BMP6: variants seen among roughly 807,000 people sequenced by gnomAD.
The protein encoded by BMP6 is VG-1-R.
A neutral mutation model predicts 54.1 loss-of-function variants in BMP6; 17 were observed. That is an observed-to-expected ratio of 0.31 (90% CI 0.22 to 0.47). The LOEUF (loss-of-function observed/expected upper bound fraction) is 0.47, where lower values mean the gene tolerates loss of function less well. Among genes scored for constraint, BMP6 ranks in the 20% least tolerant of loss-of-function variants. BMP6 has a pLI of 1.00. For synonymous variants in BMP6, 328 were observed against 291.2 expected, an observed-to-expected ratio of 1.13 and a Z score of -1.28; for missense variants, 720 against 690.4, an observed-to-expected ratio of 1.04 and a Z score of -0.48.
At chr6:7,878,469 TA>T (rs1759656674) in intron 4 of BMP6, among the ~76,000 whole-genome samples, 2 of 152,074 alleles carry the variant, frequency 1.3e-5, no homozygotes, top group South Asian at 4.2e-4. Context: ...ACCCCTGGCT[TA>T]GTGTTATTGC....
intron 1 of BMP6, among the ~76,000 whole-genome samples, chr6:7,734,291 A>G (rs970738014): frequency 1.3e-5 from 2 of 152,242 alleles, no homozygotes; most frequent in Non-Finnish European, 2.9e-5. Flanking sequence ...TAGAGCTTGA[A>G]AAGTTCTCGC....
In BMP6 at chr6:7,830,091, T is replaced by C. The variant is rs190788855; in HGVS notation, c.665-15049T>C. Among the ~76,000 whole-genome samples, 263 of 152,292 alleles carry C rather than the reference T, an allele frequency of 1.7e-3. 3 individuals carry two copies. Among genetic ancestry groups the C allele is most frequent in the African/African-American group, 6.1e-3 (255 of 41,552 alleles). On this transcript the variant is annotated intron_variant, in intron 1 of 6. Coordinates refer to ENST00000283147, the MANE Select transcript of BMP6 (RefSeq NM_001718.6). Reference sequence around the variant, plus strand: ...ACTTTCAGAAAAGAGCCAATCACCATTTGACTAGGGCTCATCACTTTTCAA... The same window carrying C: ...ACTTTCAGAAAAGAGCCAATCACCACTTGACTAGGGCTCATCACTTTTCAA...
intron 1 of BMP6, among the ~76,000 whole-genome samples, chr6:7,732,304 A>G (rs987357365): frequency 2.0e-5 from 3 of 152,242 alleles, no homozygotes; most frequent in Non-Finnish European, 2.9e-5. Flanking sequence ...CAAAGAGTAA[A>G]TTTGAAATTC....
At chr6:7,767,070 T>C in intron 1 of BMP6, among the ~76,000 whole-genome samples, 1 of 151,372 alleles carries the variant, frequency 6.6e-6, no homozygotes. Context: ...CACTGCAAGC[T>C]CCACCTCCCG....
At chr6:7,825,723 A>AAAAAAAAAAACAAAAACC (rs1359310605) in intron 1 of BMP6, among the ~76,000 whole-genome samples, 1 of 145,146 alleles carries the variant, frequency 6.9e-6, no homozygotes, top group Non-Finnish European at 1.5e-5. Flanking sequence ...TCCATCTCGA[A>AAAAAAAAAAACAAAAACC]AAAAAAAAAA....
intron 1 of BMP6, among the ~76,000 whole-genome samples, chr6:7,745,274 A>G (rs1244470365): frequency 6.6e-6 from 1 of 152,146 alleles, no homozygotes; most frequent in Non-Finnish European, 1.5e-5. Context: ...GCATCTAAGG[A>G]CTACTTGACA....
chr6:7,813,737 C>A (rs1353544196), intron 1 of BMP6, among the ~76,000 whole-genome samples: 1 of 149,736 alleles, frequency 6.7e-6, no homozygotes, highest in Non-Finnish European at 1.5e-5. Context: ...CATCTCCTTG[C>A]AATTTATTAA....
intron 1 of BMP6, among the ~76,000 whole-genome samples, chr6:7,753,924 G>A (rs548611756): frequency 1.1e-4 from 17 of 152,040 alleles, no homozygotes; most frequent in East Asian, 3.9e-4. Flanking sequence ...GTTTAATTCC[G>A]TTGTAATGAG....
chr6:7,873,645 G>GC (rs1167821098), intron 4 of BMP6, among the ~76,000 whole-genome samples: 1 of 152,040 alleles, frequency 6.6e-6, no homozygotes, highest in Non-Finnish European at 1.5e-5. Context: ...TTGGTAACTA[G>GC]CCCCCATCCT....
In BMP6 at chr6:7,857,003, T is replaced by C. The variant is rs184796055; in HGVS notation, c.858-4448T>C. Among the ~76,000 whole-genome samples the C allele has an allele frequency of 6.6e-5, 10 of 152,324 alleles. No homozygotes were observed. In the East Asian group the frequency reaches 1.9e-3, roughly 29 times the overall value. On this transcript the variant is annotated intron_variant, in intron 2 of 6. Coordinates refer to ENST00000283147, the MANE Select transcript of BMP6 (RefSeq NM_001718.6). ...GGTTTGTCAGGAAAGGGTCGAAGCC[T>C]GTCCACCAGGAGCTCAGGCACCTCC... is the stretch of plus-strand genomic sequence containing the variant.
intron 1 of BMP6, among the ~76,000 whole-genome samples, chr6:7,825,897 C>T (rs1758690026): frequency 1.3e-5 from 2 of 152,176 alleles, no homozygotes; most frequent in African/African-American, 4.8e-5. Context: ...TCTTCCCTAT[C>T]GGCATTTTGA....
intron 2 of BMP6, among the ~76,000 whole-genome samples, chr6:7,851,761 G>C (rs1259993690): frequency 1.3e-5 from 2 of 151,918 alleles, no homozygotes; most frequent in Non-Finnish European, 2.9e-5. Context: ...AGTATTCTAA[G>C]AGTTTTTTAA....
Position 7,875,397 on chromosome 6 carries a change from G to T in BMP6, c.1205-3677G>T, listed in dbSNP as rs2326992. ...ACCCCAAAATAATGTCTTAACAGTT[G>T]CCAGACTCAGTAGCTTACACCTATA... On this transcript the variant is annotated intron_variant, in intron 4 of 6. Coordinates refer to ENST00000283147, the MANE Select transcript of BMP6 (RefSeq NM_001718.6). Among the ~76,000 whole-genome samples the T allele has an allele frequency of 2.4e-4, 36 of 152,160 alleles. No individual in the cohort carries two copies. The East Asian group carries it at 5.0e-3, about 21-fold the overall frequency.
At chr6:7,852,754 T>G (rs114213346) in intron 2 of BMP6, among the ~76,000 whole-genome samples, 4,111 of 152,270 alleles carry the variant, frequency 0.027, 93 homozygotes, top group Non-Finnish European at 0.042. Flanking sequence ...TTCTTTCTAC[T>G]TGTTTTCTCA....
At chr6:7,769,222 A>G (rs1335076843) in intron 1 of BMP6, among the ~76,000 whole-genome samples, 2 of 152,212 alleles carry the variant, frequency 1.3e-5, no homozygotes, top group African/African-American at 4.8e-5. Context: ...ACAAAGTGGA[A>G]CTACACCGAT....
At chr6:7,841,868 T>C (rs1758975953) in intron 1 of BMP6, among the ~76,000 whole-genome samples, 1 of 152,244 alleles carries the variant, frequency 6.6e-6, no homozygotes, top group South Asian at 2.1e-4. Context: ...CAATGGGTTC[T>C]ATTTTACATT....
intron 2 of BMP6, 49 bp from the exon 3 acceptor site, chr6:7,861,402 G>T (rs1436108305): frequency 6.2e-7 from 1 of 1,600,044 alleles, no homozygotes. Flanking sequence ...GAGTGGGAAG[G>T]AGCTTCAGGC....
intron 1 of BMP6, among the ~76,000 whole-genome samples, chr6:7,778,057 C>T (rs533116358): frequency 3.9e-5 from 6 of 152,238 alleles, no homozygotes; most frequent in African/African-American, 1.4e-4. Flanking sequence ...GTGCATCTCC[C>T]TGGAGAGGGA....
chr6:7,798,385 A>G (rs1306549528), intron 1 of BMP6, among the ~76,000 whole-genome samples: 1 of 152,198 alleles, frequency 6.6e-6, no homozygotes, highest in South Asian at 2.1e-4. Flanking sequence ...CTGAAGCCAA[A>G]AGAGGTCAAG....
Sources: gnomAD v4.1 joint callset for allele counts (sites outside exome capture counted in the v4.1 genomes callset) on GRCh38, gnomAD v4.1.1 for gene constraint, MANE v1.5 for transcripts, NCBI Gene and HGNC (gene_info 2026-07-23, HGNC 2026-07-21) for gene names.